Variants in ASTN1 observed in about 807,000 individuals in gnomAD.
ASTN1 encodes the protein astrotactin 1, also known as astrotactin-1.
Under a neutral mutation model 140.7 loss-of-function variants are expected in ASTN1, and 41 were observed. The observed-to-expected ratio is 0.29, with a 90% CI of 0.23 to 0.38. The LOEUF is 0.38. Ranked by LOEUF, ASTN1 falls within the 10% of genes least tolerant of loss-of-function variation. ASTN1 has a pLI of 1.00. For missense variants in ASTN1, 1,479 were observed against 1,678.8 expected (o/e 0.88, Z 2.08); for synonymous variants, 640 against 652.2 (o/e 0.98, Z 0.29).
rs1384820666 is a variant in ASTN1 at position 176,949,295 on chromosome 1, G to A, written c.1944C>T (p.Ile648=). The A allele has an allele frequency of 3.1e-6, 5 of 1,614,000 alleles. No homozygotes were observed. In the African/African-American group the frequency reaches 4.0e-5, roughly 13 times the overall value. Residue 648 remains isoleucine (I), a synonymous_variant, in exon 12 of 23, where the codon ATC becomes ATT. Coordinates refer to ENST00000361833, the MANE Select transcript of ASTN1 (RefSeq NM_004319.3). The part of the protein sequence containing the change: ...KDSSGCYDRH[I]GVDCSDGFNG... The stretch of plus-strand genomic sequence containing the variant: ...TGAAGCCGTCGGAACAGTCCACCCC[G>A]ATGTGGCGGTCATAGCAGCCAGAGC...
intron 8 of ASTN1, among the ~76,000 whole-genome samples, chr1:177,009,549 C>T (rs895507280): frequency 1.3e-5 from 2 of 152,176 alleles, no homozygotes; most frequent in African/African-American, 4.8e-5. Context: ...CACTCCTGAG[C>T]GGGTGAGAAG....
intron 2 of ASTN1, among the ~76,000 whole-genome samples, chr1:177,045,369 G>C (rs1677168324): frequency 6.6e-6 from 1 of 152,176 alleles, no homozygotes; most frequent in Admixed American, 6.5e-5. Context: ...CTCCAGGGAG[G>C]CACATTCCGC....
At chr1:176,932,207 A>G (rs1243650817) in intron 16 of ASTN1, among the ~76,000 whole-genome samples, 1 of 152,232 alleles carries the variant, frequency 6.6e-6, no homozygotes, top group African/African-American at 2.4e-5. Flanking sequence ...AAGTCAGAGT[A>G]GGCAATAACA....
At chr1:176,871,054 G>A (rs1387352547) in intron 21 of ASTN1, among the ~76,000 whole-genome samples, 1 of 152,178 alleles carries the variant, frequency 6.6e-6, no homozygotes, top group Non-Finnish European at 1.5e-5. Flanking sequence ...ACTGATGTGT[G>A]GGAATAGATG....
At chr1:177,159,066 CAAAAA>C (rs57759902) in intron 1 of ASTN1, among the ~76,000 whole-genome samples, 19,520 of 74,498 alleles carry the variant, frequency 0.26, 2,690 homozygotes, top group African/African-American at 0.48. Context: ...GGATCCATCT[CAAAAA>C]AAAAAAAAAA....
At chr1:177,061,828 A>T (rs80217027) in intron 1 of ASTN1, among the ~76,000 whole-genome samples, 7,414 of 152,260 alleles carry the variant, frequency 0.049, 250 homozygotes, top group South Asian at 0.12. Flanking sequence ...ATGTTTGCTA[A>T]CTTGCTATGA....
At chr1:177,148,818 T>C (rs1297910277) in intron 1 of ASTN1, among the ~76,000 whole-genome samples, 2 of 151,764 alleles carry the variant, frequency 1.3e-5, no homozygotes, top group Non-Finnish European at 2.9e-5. Flanking sequence ...GGATCAATGG[T>C]GACCTCAGTG....
chr1:176,941,194 C>A (rs1671696894), intron 14 of ASTN1, among the ~76,000 whole-genome samples: 1 of 152,082 alleles, frequency 6.6e-6, no homozygotes, highest in Non-Finnish European at 1.5e-5. Flanking sequence ...TTAAAATGTT[C>A]CCAGAACTAG....
chr1:177,144,754 A>C (rs1259336839), intron 1 of ASTN1, among the ~76,000 whole-genome samples: 1 of 151,898 alleles, frequency 6.6e-6, no homozygotes, highest in East Asian at 1.9e-4. Context: ...CAGATGCTTT[A>C]GACTAGAAAA....
chr1:176,890,211 T>G (rs762602578), intron 17 of ASTN1, among the ~76,000 whole-genome samples: 5 of 151,988 alleles, frequency 3.3e-5, no homozygotes, highest in Non-Finnish European at 7.4e-5. Flanking sequence ...GGTTAGAACC[T>G]CAAAGGAAAA....
chr1:177,112,787 G>A (rs1420870869), intron 1 of ASTN1, among the ~76,000 whole-genome samples: 1 of 152,148 alleles, frequency 6.6e-6, no homozygotes, highest in Non-Finnish European at 1.5e-5. Context: ...GACAGTCCCT[G>A]GTAGCCCAGA....
intron 14 of ASTN1, among the ~76,000 whole-genome samples, chr1:176,939,171 C>T (rs770714133): frequency 1.3e-5 from 2 of 152,160 alleles, no homozygotes; most frequent in African/African-American, 4.8e-5. Context: ...CATACACATA[C>T]ATGGCCTCCA....
chr1:176,970,208 G>C (rs1300373013), intron 8 of ASTN1, among the ~76,000 whole-genome samples: 3 of 152,168 alleles, frequency 2.0e-5, no homozygotes, highest in Non-Finnish European at 4.4e-5. Flanking sequence ...TAGTCTAGGT[G>C]ATGTGTTGGG....
intron 2 of ASTN1, among the ~76,000 whole-genome samples, chr1:177,057,048 C>A (rs1270407523): frequency 1.3e-5 from 2 of 152,152 alleles, no homozygotes; most frequent in African/African-American, 4.8e-5. Context: ...TAAATCTCTT[C>A]AGCCAAGTTT....
At chr1:176,906,835 C>T (rs1471059260) in intron 16 of ASTN1, among the ~76,000 whole-genome samples, 1 of 143,944 alleles carries the variant, frequency 6.9e-6, no homozygotes, top group Non-Finnish European at 1.5e-5. Context: ...CAGAGTGAGA[C>T]TCTCTCTCAA....
intron 16 of ASTN1, among the ~76,000 whole-genome samples, chr1:176,924,636 G>C (rs1388035511): frequency 6.6e-6 from 1 of 152,154 alleles, no homozygotes; most frequent in African/African-American, 2.4e-5. Flanking sequence ...ACTAGATATA[G>C]AAGGTGTTAA....
intron 1 of ASTN1, among the ~76,000 whole-genome samples, chr1:177,112,534 G>A (rs1680872250): frequency 6.6e-6 from 1 of 152,176 alleles, no homozygotes; most frequent in African/African-American, 2.4e-5. Flanking sequence ...GGGTAATGAG[G>A]TCTGATGGGA....
chr1:176,923,194 T>G (rs1571514911), intron 16 of ASTN1, among the ~76,000 whole-genome samples: 1 of 152,214 alleles, frequency 6.6e-6, no homozygotes, highest in East Asian at 1.9e-4. Flanking sequence ...TATTTAACCT[T>G]GAGTCAGGCA....
chr1:177,106,527 C>CT lies in ASTN1; in HGVS notation c.284-45263dup, dbSNP rs143248153. 4.4e-3 allele frequency among the ~76,000 whole-genome samples: 675 copies of CT among 152,286 alleles called. 4 individuals carry two copies. Among genetic ancestry groups the CT allele is most frequent in the African/African-American group, 0.016 (658 of 41,562 alleles). On this transcript the variant is annotated intron_variant, in intron 1 of 22. Transcript: ENST00000361833. ...ATACTATTTCTACTCTTTGTAGAGG[C>CT]TTAAGCCTCTGCTAAACTGGTCATT...
Sources: allele counts gnomAD v4.1 joint callset (sites outside exome capture counted in the v4.1 genomes callset), GRCh38; gene constraint gnomAD v4.1.1; transcripts MANE v1.5; gene names NCBI Gene and HGNC (gene_info 2026-07-23, HGNC 2026-07-21).